Variants in DNMT3A observed in about 807,000 individuals in gnomAD.
The protein encoded by DNMT3A is DNA methyltransferase 3 alpha, also known as DNA (cytosine-5)-methyltransferase 3A.
DNMT3A carries 267 observed loss-of-function variants against 117.6 expected under a neutral mutation model. The observed-to-expected ratio is 2.27, with a 90% CI of 2.05 to 2.51. The LOEUF (loss-of-function observed/expected upper bound fraction) is 2.51, where lower values mean the gene tolerates loss of function less well. DNMT3A is among the 30% of genes most tolerant of loss of function. The pLI, the probability that DNMT3A is intolerant of heterozygous loss-of-function variation, is 0.00. For missense variants in DNMT3A, 1,029 were observed against 1,260.2 expected, an observed-to-expected ratio of 0.82 and a Z score of 2.78; for synonymous variants, 432 against 474.8, an observed-to-expected ratio of 0.91 and a Z score of 1.17.
intron 1 of DNMT3A, among the ~76,000 whole-genome samples, chr2:25,321,305 C>G (rs2034588448): frequency 6.6e-6 from 1 of 152,198 alleles, no homozygotes; most frequent in Non-Finnish European, 1.5e-5. Context: ...CATTCCTTGC[C>G]ACGTGGTCCC....
intron 1 of DNMT3A, among the ~76,000 whole-genome samples, chr2:25,325,969 T>A (rs938030037): frequency 6.6e-6 from 1 of 152,200 alleles, no homozygotes; most frequent in African/African-American, 2.4e-5. Context: ...CTGCTAAGGC[T>A]CTGGCTGAGT....
At position 25,286,388 on chromosome 2, in the gene DNMT3A, G is replaced by C. The variant is rs1046381851; in HGVS notation, c.178-3677C>G. ...CGGGCATGCTGGGCAGATGATGGGC[G>C]AGCGGGGCATGTTGCACATTTCCAG... is the stretch of plus-strand genomic sequence containing the variant. On this transcript the variant is annotated intron_variant, in intron 3 of 22. Transcript: ENST00000321117. This position sits in a 1 kb window ranked among gnomAD's most constrained non-coding sequence, Gnocchi z 4.3. Among the ~76,000 whole-genome samples, 6 of 152,224 alleles carry C rather than the reference G, an allele frequency of 3.9e-5. No individual in the cohort carries two copies. Among genetic ancestry groups the C allele is most frequent in the Non-Finnish European group, 8.8e-5 (6 of 68,052 alleles).
chr2:25,292,053 G>A (rs1309136495), intron 3 of DNMT3A, among the ~76,000 whole-genome samples: 1 of 152,202 alleles, frequency 6.6e-6, no homozygotes, highest in Admixed American at 6.5e-5. Flanking sequence ...TTGGGAGTTC[G>A]AGACCAGCCT....
chr2:25,323,021 C>G lies in DNMT3A; in HGVS notation c.-177-8860G>C, dbSNP rs549548614. Among the ~76,000 whole-genome samples, 7 of 152,110 alleles carry G rather than the reference C, an allele frequency of 4.6e-5. No individual in the cohort carries two copies. The South Asian group carries it at 1.5e-3, about 32-fold the overall frequency. On this transcript the variant is annotated intron_variant, in intron 1 of 22. Transcript: ENST00000321117. ...CTGGTTGTTCTGCTCTACCTAGATGCCTTCCCCTCCTTCCCGGTGGGAAAC... is the reference window on the plus strand; with the variant it reads ...CTGGTTGTTCTGCTCTACCTAGATGGCTTCCCCTCCTTCCCGGTGGGAAAC...
At chr2:25,319,789 A>G (rs552568295) in intron 1 of DNMT3A, among the ~76,000 whole-genome samples, 3 of 142,496 alleles carry the variant, frequency 2.1e-5, no homozygotes, top group Non-Finnish European at 3.0e-5. Context: ...TTTTTTTTTG[A>G]GATGGACCCT....
intron 20 of DNMT3A, among the ~76,000 whole-genome samples, chr2:25,238,220 G>T (rs1480795097): frequency 1.3e-5 from 2 of 152,154 alleles, no homozygotes; most frequent in Non-Finnish European, 2.9e-5. Flanking sequence ...ACTCTCGGGG[G>T]ACAGTTTCAG....
At chr2:25,272,977 ATT>A (rs70947875) in intron 6 of DNMT3A, among the ~76,000 whole-genome samples, 2 of 106,480 alleles carry the variant, frequency 1.9e-5, no homozygotes, top group Non-Finnish European at 3.5e-5. Flanking sequence ...AATTGTTTGT[ATT>A]TTTTTTTTTT....
chr2:25,271,216 A>C (rs1241802604), intron 6 of DNMT3A, among the ~76,000 whole-genome samples: 1 of 147,324 alleles, frequency 6.8e-6, no homozygotes, highest in African/African-American at 2.5e-5. Flanking sequence ...GTGTGTCAGC[A>C]GGTGCCTGTG....
Position 25,293,369 on chromosome 2 carries a change from G to A in DNMT3A, c.177+6770C>T, listed in dbSNP as rs1333323984. ...GTGCCAGAGCCAATTTCTCAAACAC[G>A]ACTCCCATCACGTCATATCCGCCTC... is the stretch of plus-strand genomic sequence containing the variant. On this transcript the variant is annotated intron_variant, in intron 3 of 22. Transcript: ENST00000321117. This position sits in a 1 kb window ranked among gnomAD's most constrained non-coding sequence, Gnocchi z 4.7. Among the ~76,000 whole-genome samples, 1 of 152,100 alleles carries A rather than the reference G, an allele frequency of 6.6e-6. No homozygotes were observed. The highest frequency in any genetic ancestry group is 1.9e-4 in the East Asian group (1 of 5,184).
At position 25,252,957 on chromosome 2, in the gene DNMT3A, G is replaced by T. The variant is rs1275574488; in HGVS notation, c.640-4705C>A. 6.6e-6 allele frequency among the ~76,000 whole-genome samples: 1 copy of T among 152,116 alleles called. No homozygotes were observed. The highest frequency in any genetic ancestry group is 1.9e-4 in the East Asian group (1 of 5,186). On this transcript the variant is annotated intron_variant, in intron 6 of 22. Transcript: ENST00000321117. This position sits in a 1 kb window ranked among gnomAD's most constrained non-coding sequence, Gnocchi z 5.5. ...GAAGCGGGGGGGCCTCAAAAAGCGC[G>T]GCGTGAGGAGGTCAGGCTTCGAGTC...
At chr2:25,245,886 C>G (rs1035397291) in intron 12 of DNMT3A, 134 bp downstream of exon 12, 2 of 1,162,258 alleles carry the variant, frequency 1.7e-6, no homozygotes, top group African/African-American at 3.0e-5. Context: ...AGACAGTGCA[C>G]GAAGCACGGT....
chr2:25,279,752 T>A (rs2031743015), intron 4 of DNMT3A, among the ~76,000 whole-genome samples: 1 of 151,736 alleles, frequency 6.6e-6, no homozygotes, highest in Admixed American at 6.6e-5. Flanking sequence ...AGTGGCACAA[T>A]CTTGGCTTAC....
intron 4 of DNMT3A, among the ~76,000 whole-genome samples, chr2:25,277,211 G>T (rs1488421246): frequency 6.6e-6 from 1 of 152,182 alleles, no homozygotes; most frequent in African/African-American, 2.4e-5. Context: ...CCTTTTAAGG[G>T]CTGTCTCACC....
intron 2 of DNMT3A, among the ~76,000 whole-genome samples, chr2:25,300,815 C>T (rs1402994911): frequency 1.6e-5 from 2 of 126,280 alleles, no homozygotes; most frequent in Non-Finnish European, 3.3e-5. Flanking sequence ...CTGCTGTCCC[C>T]CCGGAAGGCA....
At position 25,284,773 on chromosome 2, in the gene DNMT3A, G is replaced by C. The variant is rs537936414; in HGVS notation, c.178-2062C>G. 3.2e-4 allele frequency among the ~76,000 whole-genome samples: 47 copies of C among 148,412 alleles called. 1 individual carries two copies. Among genetic ancestry groups the C allele is most frequent in the African/African-American group, 9.0e-4 (36 of 40,052 alleles). ...TCCCCTAAGGTACCCATTATTAACA[G>C]TTCAGTGAGCATCCTTTCCAGATTT... is the stretch of plus-strand genomic sequence containing the variant. On this transcript the variant is annotated intron_variant, in intron 3 of 22. Coordinates refer to ENST00000321117, the MANE Select transcript of DNMT3A (RefSeq NM_022552.5).
chr2:25,247,460 C>T lies in DNMT3A; in HGVS notation c.1014+131G>A. ...TATCCCTACAGCTTCTTCCACCCAC[C>T]ACAGGCAGAGTAGGGGTGAGCAGAA... On this transcript the variant is annotated intron_variant, in intron 8 of 22. Transcript: ENST00000321117. The surrounding 1 kb of genome is among the most constrained non-coding windows in gnomAD (Gnocchi z 5.6). 7.2e-7 allele frequency: 1 copy of T among 1,388,822 alleles called. No homozygotes were observed. The highest frequency in any genetic ancestry group is 9.8e-7 in the Non-Finnish European group (1 of 1,022,566). 86.0% of individuals were successfully genotyped at this position (1,388,822 alleles called of 1,614,324 possible). A position where few individuals can be genotyped will look rare whatever the true frequency, so the allele number is the denominator to read the frequency against.
intron 3 of DNMT3A, among the ~76,000 whole-genome samples, chr2:25,287,275 T>C (rs2032380617): frequency 6.6e-6 from 1 of 151,642 alleles, no homozygotes; most frequent in Admixed American, 6.6e-5. Flanking sequence ...AATTTCAGAA[T>C]GGGAAAAGCC....
At chr2:25,288,026 G>A (rs1197667079) in intron 3 of DNMT3A, among the ~76,000 whole-genome samples, 3 of 151,600 alleles carry the variant, frequency 2.0e-5, no homozygotes, top group Admixed American at 1.3e-4. Context: ...GGTAAAGATG[G>A]GGTTTCACCA....
In DNMT3A at chr2:25,294,871, G is replaced by A. The variant is rs898843453; in HGVS notation, c.177+5268C>T. 6.6e-6 allele frequency among the ~76,000 whole-genome samples: 1 copy of A among 152,054 alleles called. No homozygotes were observed. Among genetic ancestry groups the A allele is most frequent in the Admixed American group, 6.5e-5 (1 of 15,272 alleles). On this transcript the variant is annotated intron_variant, in intron 3 of 22. Coordinates refer to ENST00000321117, the MANE Select transcript of DNMT3A (RefSeq NM_022552.5). The surrounding 1 kb of genome is among the most constrained non-coding windows in gnomAD (Gnocchi z 4.7). The stretch of plus-strand genomic sequence containing the variant: ...GGGCTCAGCTGAGCTCAGCACCAGC[G>A]CCCAGCCCCCTCCTCCTCCTCCCTC...
Sources: allele counts gnomAD v4.1 joint callset (sites outside exome capture counted in the v4.1 genomes callset), GRCh38; gene constraint gnomAD v4.1.1; non-coding constraint Gnocchi (gnomAD v3.1); transcripts MANE v1.5; gene names NCBI Gene and HGNC (gene_info 2026-07-23, HGNC 2026-07-21).